CCNT2: variants seen among roughly 807,000 people sequenced by gnomAD.
CCNT2 encodes the protein cyclin T2.
A neutral mutation model predicts 70.0 loss-of-function variants in CCNT2; 18 were observed. The ratio of observed to expected loss-of-function variants is 0.26; its 90% CI spans 0.18 to 0.38. The LOEUF is 0.38. Ranked by LOEUF, CCNT2 falls within the 10% of genes least tolerant of loss-of-function variation. CCNT2 has a pLI of 1.00. For missense variants in CCNT2, 734 were observed against 890.2 expected (o/e 0.82, Z 2.23); for synonymous variants, 334 against 313.3 (o/e 1.07, Z -0.70).
In CCNT2 at chr2:134,947,880, T is replaced by C. The variant is rs1484225291; in HGVS notation, c.684T>C (p.Val228=). Residue 228 remains valine, a synonymous_variant, in exon 7 of 9, where the codon GTT becomes GTC. Transcript: ENST00000264157. ...KHWWEYVDPT[V]TLELLDELTH... is the part of the protein sequence containing the mutation. ...GGTGGGAATATGTGGATCCTACAGT[T>C]ACTCTAGAATTATTAGATGGTAAGT... 2 of 1,498,206 alleles carry C rather than the reference T, an allele frequency of 1.3e-6. No individual in the cohort carries two copies. Among genetic ancestry groups the C allele is most frequent in the Non-Finnish European group, 1.8e-6 (2 of 1,105,982 alleles). 92.8% of individuals were successfully genotyped at this position (1,498,206 alleles called of 1,614,324 possible).
intron 2 of CCNT2, 122 bp from the exon 3 acceptor site, chr2:134,936,719 A>G (rs1276610045): frequency 7.1e-6 from 5 of 707,126 alleles, no homozygotes; most frequent in African/African-American, 3.7e-5. Context: ...ACACCACTGC[A>G]CTCCAGCCTG....
At chr2:134,937,288 G>T (rs1681228673) in intron 3 of CCNT2, among the ~76,000 whole-genome samples, 1 of 152,200 alleles carries the variant, frequency 6.6e-6, no homozygotes, top group Non-Finnish European at 1.5e-5. Context: ...GCTGGAAGCT[G>T]TATTTGAGAC....
chr2:134,945,603 T>A, intron 5 of CCNT2: 1 of 985,454 alleles, frequency 1.0e-6, no homozygotes, highest in Non-Finnish European at 1.2e-6. Context: ...AATAGCATGA[T>A]GAAAAACTGA....
At chr2:134,926,127 A>G (rs1021064350) in intron 2 of CCNT2, among the ~76,000 whole-genome samples, 2 of 151,900 alleles carry the variant, frequency 1.3e-5, no homozygotes, top group African/African-American at 4.8e-5. Flanking sequence ...CAGCCTCCCA[A>G]CACTCAGCCT....
intron 2 of CCNT2, among the ~76,000 whole-genome samples, chr2:134,936,084 G>C (rs1426968196): frequency 3.3e-5 from 5 of 150,360 alleles, no homozygotes; most frequent in Non-Finnish European, 7.4e-5. Context: ...TTTTAAAAGA[G>C]TATTAGAAAA....
At chr2:134,931,582 A>C (rs557169836) in intron 2 of CCNT2, among the ~76,000 whole-genome samples, 112 of 152,208 alleles carry the variant, frequency 7.4e-4, no homozygotes, top group Middle Eastern at 6.8e-3. Context: ...CAAGCTCATC[A>C]GTTTCTACAA....
Position 134,947,887 on chromosome 2 carries a change from GAATTATT to G in CCNT2, c.693_699del (p.Leu232MetfsTer3). The G allele has an allele frequency of 6.7e-7, 1 of 1,488,146 alleles. No homozygotes were observed. The highest frequency in any genetic ancestry group is 9.1e-7 in the Non-Finnish European group (1 of 1,099,566). The allele number at this position is 1,488,146 out of a possible 1,614,324, so 92.2% of individuals were successfully genotyped here. ...ATATGTGGATCCTACAGTTACTCTA[GAATTATT>G]AGATGGTAAGTAGAGAAAATAAATT... is the stretch of plus-strand genomic sequence containing the variant. On this transcript the variant is annotated frameshift_variant, in exon 7 of 9. Transcript: ENST00000264157. LOFTEE classifies it high-confidence loss of function.
Position 134,959,267 on chromosome 2 carries a change from A to AT in CCNT2, c.*4620dup, listed in dbSNP as rs1185747766. 2 of 152,220 alleles carry AT rather than the reference A, an allele frequency of 1.3e-5. No homozygotes were observed. Among genetic ancestry groups the AT allele is most frequent in the African/African-American group, 4.8e-5 (2 of 41,468 alleles). The allele number at this position is 152,220 out of a possible 1,614,324, so 9.4% of individuals were successfully genotyped here. On this transcript the variant is annotated 3_prime_UTR_variant, in exon 9 of 9. Coordinates refer to ENST00000264157, the MANE Select transcript of CCNT2 (RefSeq NM_058241.3). The stretch of plus-strand genomic sequence containing the variant: ...AAATCTAAAACAGGAATATGTGTAT[A>AT]TGGCATGAATTAGTCATTGACTTTA...
intron 2 of CCNT2, among the ~76,000 whole-genome samples, chr2:134,922,025 C>A (rs2105009384): frequency 6.6e-6 from 1 of 152,258 alleles, no homozygotes; most frequent in East Asian, 1.9e-4. Context: ...AGTGCACTTG[C>A]ATCAATTGCA....
intron 2 of CCNT2, among the ~76,000 whole-genome samples, chr2:134,931,660 C>T (rs1337258450): frequency 1.3e-5 from 2 of 152,092 alleles, no homozygotes; most frequent in South Asian, 2.1e-4. Flanking sequence ...CTGCCATCTT[C>T]GTGATAATCT....
chr2:134,946,668 A>T (rs985428650), intron 6 of CCNT2, among the ~76,000 whole-genome samples: 2 of 148,666 alleles, frequency 1.3e-5, no homozygotes, highest in East Asian at 4.1e-4. Context: ...GGATTTGCAT[A>T]AACACAATTT....
chr2:134,940,142 T>C (rs1264484094), intron 4 of CCNT2, among the ~76,000 whole-genome samples: 2 of 152,214 alleles, frequency 1.3e-5, no homozygotes, highest in African/African-American at 4.8e-5. Flanking sequence ...AGATGTTGAA[T>C]AGAAGTGCGA....
rs948098587 is a variant in CCNT2, at chr2:134,955,341, A to G, written c.*693A>G. 6.5e-6 allele frequency: 1 copy of G among 152,772 alleles called. No individual in the cohort carries two copies. The highest frequency in any genetic ancestry group is 6.5e-5 in the Admixed American group (1 of 15,290). 9.5% of individuals were successfully genotyped at this position (152,772 alleles called of 1,614,324 possible). ...TTCACTACCAGATGTGTGCAGTGCAACAGATGGTCATATACACTGTGAGGC... is the reference window on the plus strand; with the variant it reads ...TTCACTACCAGATGTGTGCAGTGCAGCAGATGGTCATATACACTGTGAGGC... On this transcript the variant is annotated 3_prime_UTR_variant, in exon 9 of 9. Coordinates refer to ENST00000264157, the MANE Select transcript of CCNT2 (RefSeq NM_058241.3).
chr2:134,934,794 GGAAGGAAGTTTAAGTAC>G (rs2105043828), intron 2 of CCNT2, among the ~76,000 whole-genome samples: 1 of 152,292 alleles, frequency 6.6e-6, no homozygotes, highest in African/African-American at 2.4e-5. Context: ...TCATCTGACA[GGAAGGAAGTTTAAGTAC>G]TAAATTCGGT....
chr2:134,925,469 C>T (rs563491450), intron 2 of CCNT2, among the ~76,000 whole-genome samples: 1 of 152,254 alleles, frequency 6.6e-6, no homozygotes, highest in Admixed American at 6.5e-5. Flanking sequence ...TCATTTCTCC[C>T]TATTTTTCCC....
In CCNT2 at chr2:134,955,592, T is replaced by A. The variant is rs1339704655; in HGVS notation, c.*944T>A. The A allele has an allele frequency of 3.9e-5, 6 of 152,650 alleles. No individual in the cohort carries two copies. Among genetic ancestry groups the A allele is most frequent in the African/African-American group, 1.4e-4 (6 of 41,464 alleles). 9.5% of individuals were successfully genotyped at this position (152,650 alleles called of 1,614,324 possible). On this transcript the variant is annotated 3_prime_UTR_variant, in exon 9 of 9. Transcript: ENST00000264157. ...TCACAATAACTTACCTAGTAGAGAT[T>A]TAGTGAGTTGTTTCCTTTAAAGAAT... is the stretch of plus-strand genomic sequence containing the variant.
intron 2 of CCNT2, among the ~76,000 whole-genome samples, chr2:134,928,652 A>G (rs1238300519): frequency 2.0e-5 from 3 of 152,296 alleles, no homozygotes; most frequent in East Asian, 3.9e-4. Context: ...ACTATTGGCC[A>G]TTCACACTAT....
chr2:134,951,178 A>AT, intron 7 of CCNT2, among the ~76,000 whole-genome samples: 1 of 152,092 alleles, frequency 6.6e-6, no homozygotes. Context: ...ATCTTGAAAG[A>AT]TTAATGGTTA....
chr2:134,937,227 T>C (rs1343664070), intron 3 of CCNT2, among the ~76,000 whole-genome samples: 1 of 152,222 alleles, frequency 6.6e-6, no homozygotes, highest in Non-Finnish European at 1.5e-5. Context: ...TTGTTTCATA[T>C]TTTGTTGTTC....
Sources: allele counts gnomAD v4.1 joint callset (sites outside exome capture counted in the v4.1 genomes callset), GRCh38; gene constraint gnomAD v4.1.1; transcripts MANE v1.5; gene names NCBI Gene and HGNC (gene_info 2026-07-23, HGNC 2026-07-21).